The following OGFRL1 variants were observed in gnomAD, a reference collection of about 807,000 sequenced individuals.
The protein encoded by OGFRL1 is opioid growth factor receptor like 1.
OGFRL1 carries 26 observed loss-of-function variants against 32.4 expected under a neutral mutation model. The ratio of observed to expected loss-of-function variants is 0.80; its 90% CI spans 0.59 to 1.11. The LOEUF is 1.11. OGFRL1 is among the 50% of genes most tolerant of loss of function. The pLI, the probability that OGFRL1 is intolerant of heterozygous loss-of-function variation, is 0.00. For synonymous variants in OGFRL1, 211 were observed against 201.2 expected, an observed-to-expected ratio of 1.05 and a Z score of -0.41; for missense variants, 521 against 546.4, an observed-to-expected ratio of 0.95 and a Z score of 0.46.
chr6:71,304,140 C>T lies in OGFRL1; in HGVS notation c.*2091C>T, dbSNP rs961648906. On this transcript the variant is annotated 3_prime_UTR_variant, in exon 7 of 7. Coordinates refer to ENST00000370435, the MANE Select transcript of OGFRL1 (RefSeq NM_024576.5). ...AAGTTTACATGAAACATGCCAGTTG[C>T]TTAACTCTAATTTTTTATATGAATC... 1.3e-5 allele frequency: 2 copies of T among 152,092 alleles called. No homozygotes were observed. The highest frequency in any genetic ancestry group is 2.4e-5 in the African/African-American group (1 of 41,420). The allele number at this position is 152,092 out of a possible 1,614,324, so 9.4% of individuals were successfully genotyped here.
chr6:71,304,712 G>A lies in OGFRL1; in HGVS notation c.*2663G>A, dbSNP rs1267436878. 3 of 151,890 alleles carry A rather than the reference G, an allele frequency of 2.0e-5. No individual in the cohort carries two copies. The highest frequency in any genetic ancestry group is 4.4e-5 in the Non-Finnish European group (3 of 67,880). The allele number at this position is 151,890 out of a possible 1,614,324, so 9.4% of individuals were successfully genotyped here. A position where few individuals can be genotyped will look rare whatever the true frequency, so the allele number is the denominator to read the frequency against. On this transcript the variant is annotated 3_prime_UTR_variant, in exon 7 of 7. Coordinates refer to ENST00000370435, the MANE Select transcript of OGFRL1 (RefSeq NM_024576.5). ...TTGATTAGATTGTAACATTAAATTC[G>A]AGAATATTTAGTCTCAAGAGAAACA...
rs948138268 is a variant in OGFRL1 at position 71,307,065 on chromosome 6, G to C, written c.*5016G>C. 3 of 152,064 alleles carry C rather than the reference G, an allele frequency of 2.0e-5. No individual in the cohort carries two copies. The highest frequency in any genetic ancestry group is 7.2e-5 in the African/African-American group (3 of 41,402). 9.4% of individuals were successfully genotyped at this position (152,064 alleles called of 1,614,324 possible). The stretch of plus-strand genomic sequence containing the variant: ...GTGAAGTTTATTGTTTCAGTTATTT[G>C]AGGGAAATAACCTCTTAATATGTTT... On this transcript the variant is annotated 3_prime_UTR_variant, in exon 7 of 7. Coordinates refer to ENST00000370435, the MANE Select transcript of OGFRL1 (RefSeq NM_024576.5).
In OGFRL1 at chr6:71,296,400, G is replaced by A. The variant is rs1183389624; in HGVS notation, c.479+5G>A. On this transcript the variant is annotated splice_donor_5th_base_variant and intron_variant, in intron 4 of 6. Transcript: ENST00000370435. ...CAACCACACTTACATTCAATGGTCA[G>A]TTACATATTATCTATCTTGAACCAT... The A allele has an allele frequency of 6.2e-7, 1 of 1,608,960 alleles. No individual in the cohort carries two copies. Among genetic ancestry groups the A allele is most frequent in the Non-Finnish European group, 8.5e-7 (1 of 1,175,994 alleles).
intron 6 of OGFRL1, among the ~76,000 whole-genome samples, chr6:71,297,819 A>C (rs1359705150): frequency 6.6e-6 from 1 of 151,580 alleles, no homozygotes; most frequent in African/African-American, 2.4e-5. Context: ...TATTATTATT[A>C]TACTTTAAGT....
At chr6:71,296,985 C>G (rs985730059) in intron 6 of OGFRL1, among the ~76,000 whole-genome samples, 168 bp downstream of exon 6, 2 of 152,046 alleles carry the variant, frequency 1.3e-5, no homozygotes, top group African/African-American at 4.8e-5. Context: ...TAAAACAAAA[C>G]AAAACAACAA....
At chr6:71,292,934 A>G (rs912825386) in intron 1 of OGFRL1, among the ~76,000 whole-genome samples, 2 of 152,224 alleles carry the variant, frequency 1.3e-5, no homozygotes, top group African/African-American at 4.8e-5. Flanking sequence ...AATAAGTTTT[A>G]TCATAGAATC....
Position 71,307,142 on chromosome 6 carries a change from T to G in OGFRL1, c.*5093T>G, listed in dbSNP as rs1766577038. 1 of 152,208 alleles carries G rather than the reference T, an allele frequency of 6.6e-6. No individual in the cohort carries two copies. The highest frequency in any genetic ancestry group is 6.5e-5 in the Admixed American group (1 of 15,276). 9.4% of individuals were successfully genotyped at this position (152,208 alleles called of 1,614,324 possible). A position where few individuals can be genotyped will look rare whatever the true frequency, so the allele number is the denominator to read the frequency against. ...AGAGAATACAATTAAATGTTTTGTG[T>G]TATGACCCAAACTGGCTGGAAGTAG... On this transcript the variant is annotated 3_prime_UTR_variant, in exon 7 of 7. Coordinates refer to ENST00000370435, the MANE Select transcript of OGFRL1 (RefSeq NM_024576.5).
Position 71,301,513 on chromosome 6 carries a change from A to G in OGFRL1, c.820A>G (p.Asn274Asp). ...AGCTCTTGTGGAGAATACTATTCCC[A>G]ATATTAAGCAGAGTGCTCTAGAGTA... ...HEALVENTIPNIKQSALEYFV... is the reference protein window; with the variant it reads ...HEALVENTIPDIKQSALEYFV... Residue 274 changes from asparagine to aspartate, a missense_variant, in exon 7 of 7, where the codon AAT becomes GAT. Coordinates refer to ENST00000370435, the MANE Select transcript of OGFRL1 (RefSeq NM_024576.5). The G allele has an allele frequency of 2.5e-6, 4 of 1,614,134 alleles. No homozygotes were observed. The highest frequency in any genetic ancestry group is 3.4e-6 in the Non-Finnish European group (4 of 1,180,014).
intron 6 of OGFRL1, among the ~76,000 whole-genome samples, chr6:71,298,914 G>A (rs1056122277): frequency 2.6e-5 from 4 of 152,078 alleles, no homozygotes; most frequent in African/African-American, 4.8e-5. Flanking sequence ...TTTACAGTAG[G>A]CAGGGAACTC....
chr6:71,289,186 G>A lies in OGFRL1; in HGVS notation c.234+16G>A. 1.9e-6 allele frequency: 2 copies of A among 1,068,638 alleles called. No individual in the cohort carries two copies. Among genetic ancestry groups the A allele is most frequent in the Non-Finnish European group, 2.3e-6 (2 of 885,796 alleles). The allele number at this position is 1,068,638 out of a possible 1,614,324, so 66.2% of individuals were successfully genotyped here. ...CGCCGAGCAGGTACGCGGCCCAGCG[G>A]TGGCCTCGGGTCGGGCTGGGGCGCC... On this transcript the variant is annotated intron_variant, in intron 1 of 6. Coordinates refer to ENST00000370435, the MANE Select transcript of OGFRL1 (RefSeq NM_024576.5).
In OGFRL1 at chr6:71,304,453, T is replaced by C. The variant is rs1170969911; in HGVS notation, c.*2404T>C. The C allele has an allele frequency of 2.6e-5, 4 of 152,114 alleles. No homozygotes were observed. The highest frequency in any genetic ancestry group is 2.9e-5 in the Non-Finnish European group (2 of 67,976). 9.4% of individuals were successfully genotyped at this position (152,114 alleles called of 1,614,324 possible). The stretch of plus-strand genomic sequence containing the variant: ...AGGCTGAATTGTAGAACACAAATAA[T>C]TTAATTCAAAATAACTTACCAATTT... On this transcript the variant is annotated 3_prime_UTR_variant, in exon 7 of 7. Coordinates refer to ENST00000370435, the MANE Select transcript of OGFRL1 (RefSeq NM_024576.5).
Position 71,301,649 on chromosome 6 carries a change from A to G in OGFRL1, c.956A>G (p.Gln319Arg). ...ATCTGGGGACCGCCTCGAAAAGAAC[A>G]GTCGGAGGGAAGCAAAGCCCAGAAA... ...NFIWGPPRKE[Q>R]SEGSKAQKMS... Residue 319 changes from glutamine to arginine, a missense_variant, in exon 7 of 7, where the codon CAG becomes CGG. Gln to Arg is a conservative substitution (Grantham distance 43, BLOSUM62 1). Transcript: ENST00000370435. 6.2e-7 allele frequency: 1 copy of G among 1,614,148 alleles called. No homozygotes were observed. The highest frequency in any genetic ancestry group is 1.1e-5 in the South Asian group (1 of 91,078).
rs1475802091 is a variant in OGFRL1 at position 71,305,542 on chromosome 6, A to G, written c.*3493A>G. ...TTAGGTTTTGGGACTACTTTTTTCCAGCTTCAATGAGAAAATAAAATCTAC... is the reference window on the plus strand; with the variant it reads ...TTAGGTTTTGGGACTACTTTTTTCCGGCTTCAATGAGAAAATAAAATCTAC... On this transcript the variant is annotated 3_prime_UTR_variant, in exon 7 of 7. Transcript: ENST00000370435. The G allele has an allele frequency of 1.3e-5, 2 of 152,200 alleles. No homozygotes were observed. The highest frequency in any genetic ancestry group is 3.9e-4 in the East Asian group (2 of 5,178). The allele number at this position is 152,200 out of a possible 1,614,324, so 9.4% of individuals were successfully genotyped here.
In OGFRL1 at chr6:71,301,525, A is replaced by G; in HGVS notation, c.832A>G (p.Ser278Gly). The G allele has an allele frequency of 1.2e-6, 2 of 1,614,156 alleles. No homozygotes were observed. The highest frequency in any genetic ancestry group is 1.7e-6 in the Non-Finnish European group (2 of 1,180,032). The change falls in exon 7 of 7, where the codon AGT becomes GGT. Residue 278 changes from serine (S) to glycine (G), a missense_variant. Transcript: ENST00000370435. The part of the protein sequence containing the change: ...VENTIPNIKQ[S>G]ALEYFVYTIR... ...GAATACTATTCCCAATATTAAGCAG[A>G]GTGCTCTAGAGTATTTTGTTTATAC...
Position 71,301,543 on chromosome 6 carries a change from G to A in OGFRL1, c.850G>A (p.Val284Ile). ...NIKQSALEYF[V>I]YTIRDRRERR... is the part of the protein sequence containing the mutation. ...TAAGCAGAGTGCTCTAGAGTATTTT[G>A]TTTATACAATTAGAGACAGAAGAGA... Residue 284 changes from valine (V) to isoleucine (I), a missense_variant, in exon 7 of 7, where the codon GTT (valine) becomes ATT (isoleucine). Coordinates refer to ENST00000370435, the MANE Select transcript of OGFRL1 (RefSeq NM_024576.5). The A allele has an allele frequency of 2.5e-6, 4 of 1,614,148 alleles. No homozygotes were observed. The highest frequency in any genetic ancestry group is 3.4e-6 in the Non-Finnish European group (4 of 1,180,038).
rs1442130002 is a variant in OGFRL1 at position 71,301,872 on chromosome 6, T to C, written c.1179T>C (p.Asn393=). Residue 393 remains asparagine, a synonymous_variant, in exon 7 of 7, where the codon AAT becomes AAC. Coordinates refer to ENST00000370435, the MANE Select transcript of OGFRL1 (RefSeq NM_024576.5). ...EPSNEAAKPR[N]TEKDSNAENM... ...GCAATGAAGCTGCCAAGCCAAGAAATACAGAGAAGGACAGTAATGCTGAGA... is the reference window on the plus strand; with the variant it reads ...GCAATGAAGCTGCCAAGCCAAGAAACACAGAGAAGGACAGTAATGCTGAGA... The C allele has an allele frequency of 6.8e-6, 11 of 1,612,918 alleles. No individual in the cohort carries two copies. The South Asian group carries it at 1.1e-4, about 16-fold the overall frequency.
In OGFRL1 at chr6:71,302,834, T is replaced by G. The variant is rs1766440265; in HGVS notation, c.*785T>G. ...AAATGTGTTCAGAAACTAATTTGGA[T>G]TCTTTGATTCTAGTATCTCAACGTG... On this transcript the variant is annotated 3_prime_UTR_variant, in exon 7 of 7. Transcript: ENST00000370435. The G allele has an allele frequency of 6.6e-6, 1 of 152,218 alleles. No homozygotes were observed. The highest frequency in any genetic ancestry group is 1.5e-5 in the Non-Finnish European group (1 of 68,036). 9.4% of individuals were successfully genotyped at this position (152,218 alleles called of 1,614,324 possible).
chr6:71,301,669 C>T lies in OGFRL1; in HGVS notation c.976C>T (p.Gln326Ter), dbSNP rs150212567. The change falls in exon 7 of 7, where the codon CAG (glutamine) becomes TAG (stop). Residue 326 changes from glutamine to a stop codon, truncating the protein, a stop_gained. Coordinates refer to ENST00000370435, the MANE Select transcript of OGFRL1 (RefSeq NM_024576.5). LOFTEE classifies it low-confidence loss of function (END_TRUNC). ...AGAACAGTCGGAGGGAAGCAAAGCCCAGAAAATGTCTTCCCCTCTCGCCTC... is the reference window on the plus strand; with the variant it reads ...AGAACAGTCGGAGGGAAGCAAAGCCTAGAAAATGTCTTCCCCTCTCGCCTC... ...RKEQSEGSKA[Q>*]KMSSPLASSH... 1 of 1,613,956 alleles carries T rather than the reference C, an allele frequency of 6.2e-7. No homozygotes were observed. Among genetic ancestry groups the T allele is most frequent in the African/African-American group, 1.3e-5 (1 of 74,976 alleles).
chr6:71,304,124 T>C lies in OGFRL1; in HGVS notation c.*2075T>C, dbSNP rs1425139713. The C allele has an allele frequency of 1.3e-5, 2 of 152,176 alleles. No homozygotes were observed. Among genetic ancestry groups the C allele is most frequent in the Non-Finnish European group, 2.9e-5 (2 of 68,008 alleles). The allele number at this position is 152,176 out of a possible 1,614,324, so 9.4% of individuals were successfully genotyped here. Reference sequence around the variant, plus strand: ...TGATTTTACTGCTTTGAAGTTTACATGAAACATGCCAGTTGCTTAACTCTA... The same window carrying C: ...TGATTTTACTGCTTTGAAGTTTACACGAAACATGCCAGTTGCTTAACTCTA... On this transcript the variant is annotated 3_prime_UTR_variant, in exon 7 of 7. Transcript: ENST00000370435.
Sources: allele counts gnomAD v4.1 joint callset (sites outside exome capture counted in the v4.1 genomes callset), GRCh38; gene constraint gnomAD v4.1.1; transcripts MANE v1.5; gene names NCBI Gene and HGNC (gene_info 2026-07-23, HGNC 2026-07-21).